PIK3AP1: variants seen among roughly 807,000 people sequenced by gnomAD.
PIK3AP1 encodes phosphoinositide-3-kinase adaptor protein 1.
A neutral mutation model predicts 88.1 loss-of-function variants in PIK3AP1; 21 were observed. The ratio of observed to expected loss-of-function variants is 0.24; its 90% CI spans 0.17 to 0.34. PIK3AP1 has a LOEUF of 0.34. Ranked by LOEUF, PIK3AP1 falls within the 10% of genes least tolerant of loss-of-function variation. The probability of loss-of-function intolerance (pLI) is 1.00; values close to 1 mark genes in which losing one functional copy is unlikely to be tolerated. For synonymous variants in PIK3AP1, 398 were observed against 400.0 expected (o/e 1.00, Z 0.06); for missense variants, 828 against 1,035.7 (o/e 0.80, Z 2.75).
intron 2 of PIK3AP1, among the ~76,000 whole-genome samples, chr10:96,705,052 G>T (rs1364497837): frequency 6.6e-6 from 1 of 152,092 alleles, no homozygotes; most frequent in South Asian, 2.1e-4. Context: ...TTATCAAAAG[G>T]TATCTCAAAG....
chr10:96,648,480 T>C (rs1843490978), intron 7 of PIK3AP1, among the ~76,000 whole-genome samples, 179 bp downstream of exon 7: 1 of 152,228 alleles, frequency 6.6e-6, no homozygotes, highest in African/African-American at 2.4e-5. Context: ...TACAGGAATT[T>C]GGACCCAGGT....
chr10:96,609,783 T>A lies in PIK3AP1; in HGVS notation c.2099A>T (p.Lys700Ile), dbSNP rs760856517. Residue 700 changes from lysine to isoleucine, a missense_variant, in exon 14 of 17, where the codon AAA becomes ATA. Coordinates refer to ENST00000339364, the MANE Select transcript of PIK3AP1 (RefSeq NM_152309.3). ...EFGVYESGPRKSVIPPRTELR... is the reference protein window; with the variant it reads ...EFGVYESGPRISVIPPRTELR... ...CTCCGTCCTAGGGGGAATGACACTT[T>A]TCCTGGGGCCACTCTCATAGACTCC... The A allele has an allele frequency of 3.8e-5, 62 of 1,614,152 alleles. No individual in the cohort carries two copies. Among genetic ancestry groups the A allele is most frequent in the Non-Finnish European group, 5.2e-5 (61 of 1,180,002 alleles).
intron 2 of PIK3AP1, among the ~76,000 whole-genome samples, chr10:96,663,129 G>C (rs1843715437): frequency 6.6e-6 from 1 of 151,962 alleles, no homozygotes; most frequent in Non-Finnish European, 1.5e-5. Context: ...GTTGCTTTGG[G>C]CTGGGGAGAT....
In PIK3AP1 at chr10:96,686,617, G is replaced by A. The variant is rs146822845; in HGVS notation, c.430+22950C>T. Among the ~76,000 whole-genome samples the A allele has an allele frequency of 2.0e-3, 298 of 152,170 alleles. 1 individual carries two copies. The highest frequency in any genetic ancestry group is 6.9e-3 in the African/African-American group (286 of 41,526). ...TTTCACAGTATCCACAAGAGCACCC[G>A]TAGCTTTCATGATATTCACCCAGTC... On this transcript the variant is annotated intron_variant, in intron 2 of 16. Transcript: ENST00000339364.
intron 1 of PIK3AP1, among the ~76,000 whole-genome samples, chr10:96,714,726 C>T (rs954884571): frequency 1.1e-4 from 16 of 152,218 alleles, no homozygotes; most frequent in African/African-American, 2.4e-4. Flanking sequence ...CAAAGGAACA[C>T]GAGTCAACTC....
At chr10:96,649,017 C>T (rs924902647) in intron 6 of PIK3AP1, among the ~76,000 whole-genome samples, 162 bp from the exon 7 acceptor site, 1 of 152,132 alleles carries the variant, frequency 6.6e-6, no homozygotes, top group African/African-American at 2.4e-5. Flanking sequence ...CTTCAGGACA[C>T]CACTGAAGAT....
chr10:96,676,655 T>A (rs1172458), intron 2 of PIK3AP1, among the ~76,000 whole-genome samples: 5,273 of 38,844 alleles, frequency 0.14, 109 homozygotes, highest in African/African-American at 0.39. Context: ...TTTTCTGGGG[T>A]TTTTTTTTTT....
At chr10:96,616,770 G>A in intron 12 of PIK3AP1, 59 bp from the exon 13 acceptor site, 1 of 1,502,744 alleles carries the variant, frequency 6.7e-7, no homozygotes. Flanking sequence ...CTCTGGACAT[G>A]AGAGTTTCTT....
intron 14 of PIK3AP1, among the ~76,000 whole-genome samples, chr10:96,606,819 C>G (rs1274174501): frequency 1.3e-5 from 2 of 152,136 alleles, no homozygotes; most frequent in East Asian, 3.8e-4. Flanking sequence ...GCTCAGTATA[C>G]AAAGAGCTAT....
chr10:96,625,515 A>C (rs1472425597), intron 10 of PIK3AP1, among the ~76,000 whole-genome samples: 1 of 152,220 alleles, frequency 6.6e-6, no homozygotes, highest in Non-Finnish European at 1.5e-5. Context: ...TGGATTTCAC[A>C]AAACAAAAAT....
intron 3 of PIK3AP1, among the ~76,000 whole-genome samples, chr10:96,653,479 C>CTT (rs748930022): frequency 0.034 from 2,102 of 61,970 alleles, 112 homozygotes; most frequent in Non-Finnish European, 0.036. Flanking sequence ...ACTTTATACA[C>CTT]TTTTTTTTTT....
At chr10:96,625,496 C>T (rs540008609) in intron 10 of PIK3AP1, among the ~76,000 whole-genome samples, 3 of 152,354 alleles carry the variant, frequency 2.0e-5, no homozygotes, top group African/African-American at 7.2e-5. Context: ...CTACCCAGTT[C>T]AGGGTTGCTG....
At chr10:96,711,739 A>AT (rs763923650) in intron 1 of PIK3AP1, among the ~76,000 whole-genome samples, 3,723 of 66,190 alleles carry the variant, frequency 0.056, 406 homozygotes, top group East Asian at 0.088. Context: ...AGATTACCAA[A>AT]TTTTTTTTTT....
intron 1 of PIK3AP1, among the ~76,000 whole-genome samples, chr10:96,712,463 A>T (rs1428798213): frequency 6.6e-6 from 1 of 152,236 alleles, no homozygotes. Flanking sequence ...CCATAAAAAT[A>T]AATAAATAAA....
chr10:96,604,152 T>A (rs1366417700), intron 14 of PIK3AP1, 103 bp from the exon 15 acceptor site: 17 of 961,214 alleles, frequency 1.8e-5, no homozygotes, highest in South Asian at 1.4e-4. Context: ...AAATAATACA[T>A]AAGCTGTAAG....
chr10:96,656,625 G>T (rs2134239112), intron 3 of PIK3AP1, among the ~76,000 whole-genome samples, 173 bp downstream of exon 3: 1 of 152,288 alleles, frequency 6.6e-6, no homozygotes, highest in African/African-American at 2.4e-5. Context: ...TTACTCAGGG[G>T]AGCTGGGTGT....
rs960847879 is a variant in PIK3AP1, at chr10:96,716,550, G to C, written c.13+3832C>G. Among the ~76,000 whole-genome samples, 3 of 152,144 alleles carry C rather than the reference G, an allele frequency of 2.0e-5. No individual in the cohort carries two copies. In the East Asian group the frequency reaches 5.8e-4, roughly 29 times the overall value. ...CTGTGCTGGGAAACTGAAAGAAGGG[G>C]AAGTTTTTAAAAAGTCCAAAGTGAA... On this transcript the variant is annotated intron_variant, in intron 1 of 16. Coordinates refer to ENST00000339364, the MANE Select transcript of PIK3AP1 (RefSeq NM_152309.3).
chr10:96,703,033 C>A (rs192024723), intron 2 of PIK3AP1, among the ~76,000 whole-genome samples: 2 of 152,246 alleles, frequency 1.3e-5, no homozygotes, highest in African/African-American at 2.4e-5. Context: ...CATGCCACCA[C>A]GTCCAGCTAA....
chr10:96,638,531 G>T (rs1843344310), intron 8 of PIK3AP1, among the ~76,000 whole-genome samples: 1 of 152,050 alleles, frequency 6.6e-6, no homozygotes, highest in Non-Finnish European at 1.5e-5. Flanking sequence ...GCTAATGAGT[G>T]ATGGCTGGCA....
Sources: allele counts gnomAD v4.1 joint callset (sites outside exome capture counted in the v4.1 genomes callset), GRCh38; gene constraint gnomAD v4.1.1; transcripts MANE v1.5; gene names NCBI Gene and HGNC (gene_info 2026-07-23, HGNC 2026-07-21).